Variants in COTL1 observed in about 807,000 individuals in gnomAD.
COTL1 encodes coactosin-like protein.
In COTL1, 15 loss-of-function variants were observed where a neutral mutation model predicts 16.5. The ratio of observed to expected loss-of-function variants is 0.91; its 90% CI spans 0.61 to 1.40. The LOEUF (loss-of-function observed/expected upper bound fraction) is 1.40, where lower values mean the gene tolerates loss of function less well. Ranked by LOEUF, COTL1 falls within the 40% of genes most tolerant of loss-of-function variation. The pLI is 0.00. For synonymous variants in COTL1, 112 were observed against 85.3 expected, an observed-to-expected ratio of 1.31 and a Z score of -1.73; for missense variants, 220 against 201.5, an observed-to-expected ratio of 1.09 and a Z score of -0.56.
At position 84,590,043 on chromosome 16, in the gene COTL1, C is replaced by T; in HGVS notation, c.318+62G>A. On this transcript the variant is annotated intron_variant, in intron 3 of 3. Coordinates refer to ENST00000262428, the MANE Select transcript of COTL1 (RefSeq NM_021149.5). This position sits in a 1 kb window ranked among gnomAD's most constrained non-coding sequence, Gnocchi z 5.5. ...CCAGGAGTCGAACCCAGCCCTCTCC[C>T]TCCTTGCAGGATGGTGACCCTTGGC... The T allele has an allele frequency of 6.5e-7, 1 of 1,543,530 alleles. No individual in the cohort carries two copies. The highest frequency in any genetic ancestry group is 8.8e-7 in the Non-Finnish European group (1 of 1,132,786).
At chr16:84,586,124 C>G (rs946221401) in intron 3 of COTL1, among the ~76,000 whole-genome samples, 5 of 152,186 alleles carry the variant, frequency 3.3e-5, no homozygotes, top group Non-Finnish European at 7.4e-5. Context: ...ACCACCATAG[C>G]ATGGACCGTT....
chr16:84,582,512 T>C (rs968382843), intron 3 of COTL1, among the ~76,000 whole-genome samples: 4 of 152,196 alleles, frequency 2.6e-5, no homozygotes, highest in Non-Finnish European at 5.9e-5. Flanking sequence ...AGGAGTACAA[T>C]CACAAAGCAG....
At chr16:84,614,427 G>T (rs76933496) in intron 2 of COTL1, among the ~76,000 whole-genome samples, 1 of 152,042 alleles carries the variant, frequency 6.6e-6, no homozygotes, top group African/African-American at 2.4e-5. Flanking sequence ...GAAAGGCCAG[G>T]CCAGGAGGCT....
intron 3 of COTL1, among the ~76,000 whole-genome samples, chr16:84,571,669 C>T (rs1250862429): frequency 6.6e-6 from 1 of 152,218 alleles, no homozygotes; most frequent in Non-Finnish European, 1.5e-5. Flanking sequence ...CCCCTGGGAT[C>T]GGCTCCCCGC....
chr16:84,593,179 G>A (rs969971243), intron 2 of COTL1, among the ~76,000 whole-genome samples: 2 of 152,244 alleles, frequency 1.3e-5, no homozygotes, highest in African/African-American at 4.8e-5. Flanking sequence ...GACACCTTGG[G>A]TGTGTGTGCT....
At chr16:84,571,524 A>G (rs891016064) in intron 3 of COTL1, among the ~76,000 whole-genome samples, 16 of 152,004 alleles carry the variant, frequency 1.1e-4, no homozygotes, top group Admixed American at 9.8e-4. Flanking sequence ...CCCCCTGCCC[A>G]TCAGCTTCCC....
chr16:84,617,931 C>G lies in COTL1; in HGVS notation c.-17G>C. The G allele has an allele frequency of 6.5e-7, 1 of 1,547,060 alleles. No homozygotes were observed. The highest frequency in any genetic ancestry group is 8.7e-7 in the Non-Finnish European group (1 of 1,146,078). On this transcript the variant is annotated 5_prime_UTR_variant, in exon 1 of 4. Coordinates refer to ENST00000262428, the MANE Select transcript of COTL1 (RefSeq NM_021149.5). ...GGTGGCCATCGCCGCGGAGCCGCAG[C>G]GGGACACTGTCCGGGGCGGCCGAGC...
intron 2 of COTL1, among the ~76,000 whole-genome samples, chr16:84,608,793 C>T (rs66688923): frequency 0.27 from 40,648 of 152,072 alleles, 6,075 homozygotes; most frequent in East Asian, 0.42. Flanking sequence ...GTAGTCCCTG[C>T]TACTGGAGAC....
In COTL1 at chr16:84,617,779, G is replaced by A. The variant is rs1846358718; in HGVS notation, c.77+59C>T. 9 of 1,506,496 alleles carry A rather than the reference G, an allele frequency of 6.0e-6. No homozygotes were observed. In the Admixed American group the frequency reaches 7.9e-5, roughly 13 times the overall value. 93.3% of individuals were successfully genotyped at this position (1,506,496 alleles called of 1,614,324 possible). On this transcript the variant is annotated intron_variant, in intron 1 of 3. Coordinates refer to ENST00000262428, the MANE Select transcript of COTL1 (RefSeq NM_021149.5). ...CGTCCCGCCTGGAGGCCGGCTCGGTGCACGAGGCCCCGCGCGAGCCCGGGG... is the reference window on the plus strand; with the variant it reads ...CGTCCCGCCTGGAGGCCGGCTCGGTACACGAGGCCCCGCGCGAGCCCGGGG...
intron 3 of COTL1, among the ~76,000 whole-genome samples, chr16:84,570,954 C>CT (rs59583914): frequency 0.15 from 21,929 of 147,628 alleles, 1,795 homozygotes; most frequent in East Asian, 0.31. Context: ...CTCATTCCTG[C>CT]TTTTTTTTTT....
At chr16:84,580,095 G>A (rs1336223488) in intron 3 of COTL1, among the ~76,000 whole-genome samples, 3 of 152,230 alleles carry the variant, frequency 2.0e-5, no homozygotes, top group African/African-American at 7.2e-5. Flanking sequence ...AGGGCAGGCT[G>A]GCCAAGGGCT....
intron 2 of COTL1, chr16:84,596,478 T>G (rs776619683): frequency 1.3e-5 from 2 of 152,224 alleles, no homozygotes; most frequent in Non-Finnish European, 2.9e-5. Context: ...GAATCATTGC[T>G]GATTTTTGAC....
intron 3 of COTL1, among the ~76,000 whole-genome samples, chr16:84,580,018 C>T (rs928029563): frequency 3.9e-5 from 6 of 152,220 alleles, no homozygotes; most frequent in Non-Finnish European, 7.3e-5. Flanking sequence ...GCGACTGTGT[C>T]GGGAATCACT....
At chr16:84,613,165 AATTTTTGT>A (rs1460924049) in intron 2 of COTL1, among the ~76,000 whole-genome samples, 2 of 151,940 alleles carry the variant, frequency 1.3e-5, no homozygotes, top group East Asian at 3.9e-4. Flanking sequence ...ATGCCTGGCT[AATTTTTGT>A]ATTTTTAGTA....
intron 2 of COTL1, among the ~76,000 whole-genome samples, chr16:84,615,644 G>C (rs904335189): frequency 6.6e-6 from 1 of 152,124 alleles, no homozygotes; most frequent in African/African-American, 2.4e-5. Flanking sequence ...GGCTGTTCAC[G>C]GACCGGAGGG....
At chr16:84,615,853 T>TTGTG (rs112335989) in intron 2 of COTL1, among the ~76,000 whole-genome samples, 1,640 of 149,788 alleles carry the variant, frequency 0.011, 25 homozygotes, top group African/African-American at 0.03. Context: ...AATTTTAGTT[T>TTGTG]TGTGTGTGTG....
chr16:84,580,713 T>A (rs552959037), intron 3 of COTL1, among the ~76,000 whole-genome samples: 1 of 152,186 alleles, frequency 6.6e-6, no homozygotes, highest in South Asian at 2.1e-4. Flanking sequence ...AGTTTCCTCA[T>A]CTGTATATTG....
At position 84,591,823 on chromosome 16, in the gene COTL1, CAAATAAAATAAAATA is replaced by C. The variant is rs11273175; in HGVS notation, c.161-1576_161-1562del. Among the ~76,000 whole-genome samples, 428 of 120,664 alleles carry C rather than the reference CAAATAAAATAAAATA, an allele frequency of 3.5e-3. 3 individuals carry two copies. Among genetic ancestry groups the C allele is most frequent in the African/African-American group, 0.011 (354 of 32,642 alleles). The allele number at this position is 120,664 out of a possible 152,430, so 79.2% of individuals were successfully genotyped here. A position where few individuals can be genotyped will look rare whatever the true frequency, so the allele number is the denominator to read the frequency against. On this transcript the variant is annotated intron_variant, in intron 2 of 3. Coordinates refer to ENST00000262428, the MANE Select transcript of COTL1 (RefSeq NM_021149.5). ...TGGGTGGCCAACTGAGACCCTGTCT[CAAATAAAATAAAATA>C]AAATAAAATAAAATAAAATAAAATA...
intron 3 of COTL1, among the ~76,000 whole-genome samples, chr16:84,581,290 T>C (rs1006712834): frequency 6.6e-6 from 1 of 152,182 alleles, no homozygotes; most frequent in Non-Finnish European, 1.5e-5. Context: ...CGTCCTTCCA[T>C]GAACCACTGG....
Sources: allele counts gnomAD v4.1 joint callset (sites outside exome capture counted in the v4.1 genomes callset), GRCh38; gene constraint gnomAD v4.1.1; non-coding constraint Gnocchi (gnomAD v3.1); transcripts MANE v1.5; gene names NCBI Gene and HGNC (gene_info 2026-07-23, HGNC 2026-07-21).